The following PCDHA3 variants were observed in gnomAD, a reference collection of about 807,000 sequenced individuals.
PCDHA3 encodes protocadherin alpha-3.
A neutral mutation model predicts 62.2 loss-of-function variants in PCDHA3; 41 were observed. The ratio of observed to expected loss-of-function variants is 0.66; its 90% CI spans 0.51 to 0.86. The LOEUF (loss-of-function observed/expected upper bound fraction) is 0.86, where lower values mean the gene tolerates loss of function less well. Ranked by LOEUF, PCDHA3 falls within the 40% of genes least tolerant of loss-of-function variation. PCDHA3 has a pLI of 0.00. For synonymous variants in PCDHA3, 640 were observed against 555.4 expected (o/e 1.15, Z -2.14); for missense variants, 1,304 against 1,241.2 (o/e 1.05, Z -0.76).
intron 1 of PCDHA3, chr5:140,870,834 C>G: frequency 6.2e-7 from 1 of 1,613,806 alleles, no homozygotes; most frequent in Non-Finnish European, 8.5e-7. Context: ...GCGCAGTTAA[C>G]AAGCTAGTAC....
At chr5:140,980,437 C>G (rs1586844281) in intron 2 of PCDHA3, among the ~76,000 whole-genome samples, 1 of 152,156 alleles carries the variant, frequency 6.6e-6, no homozygotes, top group Admixed American at 6.5e-5. Flanking sequence ...CGAGACCATC[C>G]TGGACAACAC....
intron 1 of PCDHA3, chr5:140,871,504 C>CT: frequency 6.3e-7 from 1 of 1,581,824 alleles, no homozygotes; most frequent in South Asian, 1.1e-5. Flanking sequence ...GGTGAGTTTT[C>CT]TACAGATTCC....
At chr5:140,837,919 TC>T (rs1554136703) in intron 1 of PCDHA3, among the ~76,000 whole-genome samples, 1 of 151,862 alleles carries the variant, frequency 6.6e-6, no homozygotes, top group African/African-American at 2.4e-5. Context: ...CTTCAAGCGA[TC>T]CTCCTACCTT....
At chr5:140,880,042 G>A (rs530262393) in intron 1 of PCDHA3, among the ~76,000 whole-genome samples, 3 of 152,208 alleles carry the variant, frequency 2.0e-5, no homozygotes, top group Non-Finnish European at 4.4e-5. Flanking sequence ...CAGGGATTAA[G>A]ATGTGGGCAT....
intron 1 of PCDHA3, among the ~76,000 whole-genome samples, chr5:140,943,772 T>G (rs371770047): frequency 2.9e-4 from 44 of 152,232 alleles, no homozygotes; most frequent in African/African-American, 6.7e-4. Context: ...GGAAAAAAAC[T>G]AGGAAGTGGT....
chr5:140,855,185 T>C (rs1184210889), intron 1 of PCDHA3, among the ~76,000 whole-genome samples: 3 of 149,814 alleles, frequency 2.0e-5, no homozygotes, highest in African/African-American at 7.3e-5. Flanking sequence ...TGTGGCCAAA[T>C]TGAGGCCTGA....
intron 1 of PCDHA3, chr5:140,871,063 G>A (rs377081112): frequency 1.2e-6 from 2 of 1,613,272 alleles, no homozygotes; most frequent in Non-Finnish European, 1.7e-6. Flanking sequence ...GAAGGATCAC[G>A]GTGAGCCGGC....
chr5:140,830,399 A>T (rs2150186054), intron 1 of PCDHA3: 1 of 1,593,324 alleles, frequency 6.3e-7, no homozygotes, highest in Non-Finnish European at 8.6e-7. Flanking sequence ...GATGGATCTC[A>T]TGGCCTTTAG....
intron 1 of PCDHA3, chr5:140,871,192 G>A (rs1582019516): frequency 6.2e-7 from 1 of 1,613,668 alleles, no homozygotes; most frequent in South Asian, 1.1e-5. Context: ...GGATGTCAAC[G>A]TGTACCTGAT....
chr5:140,865,091 A>G (rs1010954942), intron 1 of PCDHA3: 3 of 152,218 alleles, frequency 2.0e-5, no homozygotes, highest in Non-Finnish European at 4.4e-5. Context: ...GATATTAATA[A>G]AGGCACTTCC....
chr5:140,843,487 G>C, intron 1 of PCDHA3: 1 of 1,596,050 alleles, frequency 6.3e-7, no homozygotes, highest in Non-Finnish European at 8.6e-7. Context: ...CTGCGCTGCG[G>C]TGCTCAGCAC....
intron 1 of PCDHA3, among the ~76,000 whole-genome samples, chr5:140,888,383 C>T (rs1279773489): frequency 3.9e-5 from 6 of 152,170 alleles, no homozygotes; most frequent in African/African-American, 1.4e-4. Flanking sequence ...CTCTGAGATG[C>T]TGCTAAACAC....
chr5:140,807,738 C>T (rs1764021976), intron 1 of PCDHA3: 1 of 1,614,082 alleles, frequency 6.2e-7, no homozygotes, highest in African/African-American at 1.3e-5. Flanking sequence ...GAAAAACCAC[C>T]TGATGACGAG....
chr5:140,877,218 G>C (rs781819579), intron 1 of PCDHA3: 1 of 1,613,726 alleles, frequency 6.2e-7, no homozygotes, highest in South Asian at 1.1e-5. Context: ...AGTTGGTACC[G>C]CGGTCGGTGG....
At chr5:140,887,661 T>A (rs1322494406) in intron 1 of PCDHA3, among the ~76,000 whole-genome samples, 1 of 152,170 alleles carries the variant, frequency 6.6e-6, no homozygotes, top group African/African-American at 2.4e-5. Context: ...CTTGGATCTG[T>A]GGATTTATCA....
rs2041539059 is a variant in PCDHA3, at chr5:140,850,345, G to A, written c.2394+46754G>A. On this transcript the variant is annotated intron_variant, in intron 1 of 3. Transcript: ENST00000522353. ...TACGAGCTGCAGCCAGAAACGGCCA[G>A]CGCGAGCATCCCGTTCCGCGTGGGG... 5.0e-6 allele frequency: 8 copies of A among 1,597,746 alleles called. 1 individual carries two copies. Among genetic ancestry groups the A allele is most frequent in the Non-Finnish European group, 6.9e-6 (8 of 1,167,738 alleles).
chr5:140,805,036 C>T (rs1554123201), intron 1 of PCDHA3: 1 of 1,584,604 alleles, frequency 6.3e-7, no homozygotes, highest in East Asian at 2.2e-5. Flanking sequence ...ATAATAGAGT[C>T]AGCCAAAGTA....
At chr5:140,864,409 G>C (rs1354025134) in intron 1 of PCDHA3, 3 of 152,230 alleles carry the variant, frequency 2.0e-5, no homozygotes, top group Non-Finnish European at 4.4e-5. Context: ...GAGCAGGGTT[G>C]AGGCAGCTTC....
intron 1 of PCDHA3, chr5:140,865,770 T>C (rs1554159611): frequency 6.6e-6 from 1 of 152,200 alleles, no homozygotes; most frequent in Non-Finnish European, 1.5e-5. Context: ...GGAGATATTA[T>C]TCAAATGTGT....
Sources: allele counts gnomAD v4.1 joint callset (sites outside exome capture counted in the v4.1 genomes callset), GRCh38; gene constraint gnomAD v4.1.1; transcripts MANE v1.5; gene names NCBI Gene and HGNC (gene_info 2026-07-23, HGNC 2026-07-21).